The following MUC17 variants were observed in gnomAD, a reference collection of about 807,000 sequenced individuals.
MUC17 encodes mucin 17, cell surface associated, also known as mucin-17.
A neutral mutation model predicts 170.3 loss-of-function variants in MUC17; 190 were observed. That is an observed-to-expected ratio of 1.12 (90% CI 0.99 to 1.26). The LOEUF is 1.26. MUC17 is among the 50% of genes most tolerant of loss of function. The probability of loss-of-function intolerance (pLI) is 0.00; values close to 1 mark genes in which losing one functional copy is unlikely to be tolerated. For synonymous variants in MUC17, 2,325 were observed against 2,002.5 expected (o/e 1.16, Z -4.30); for missense variants, 6,415 against 5,530.0 (o/e 1.16, Z -5.08).
Position 101,038,228 on chromosome 7 carries a change from C to G in MUC17, c.6812C>G (p.Thr2271Ser), listed in dbSNP as rs755060787. The G allele has an allele frequency of 6.2e-7, 1 of 1,614,020 alleles. No individual in the cohort carries two copies. Among genetic ancestry groups the G allele is most frequent in the South Asian group, 1.1e-5 (1 of 91,068 alleles). The change falls in exon 3 of 13, where the codon ACT (threonine) becomes AGT (serine). Residue 2271 changes from threonine (T) to serine (S), a missense_variant. Thr to Ser is a moderately conservative substitution (Grantham distance 58, BLOSUM62 1). Coordinates refer to ENST00000306151, the MANE Select transcript of MUC17 (RefSeq NM_001040105.2). Reference protein sequence around the residue: ...PTTAEGTSIPTSTLSEGTTPL... With the variant: ...PTTAEGTSIPSSTLSEGTTPL... ...ACTGCTGAAGGTACCAGCATACCAA[C>G]TTCAACTCTTAGTGAAGGAACGACT...
At chr7:101,029,254 G>C (rs1794234916) in intron 1 of MUC17, among the ~76,000 whole-genome samples, 1 of 151,872 alleles carries the variant, frequency 6.6e-6, no homozygotes, top group Non-Finnish European at 1.5e-5. Context: ...TACTCAGGAG[G>C]CTGAGGCAGG....
At chr7:101,048,786 G>A in intron 4 of MUC17, 59 bp from the exon 5 acceptor site, 2 of 1,598,646 alleles carry the variant, frequency 1.3e-6, no homozygotes, top group Non-Finnish European at 1.7e-6. Context: ...CAGGCTGGGG[G>A]CAGATCTTCT....
chr7:101,041,057 C>G lies in MUC17; in HGVS notation c.9641C>G (p.Thr3214Ser). ...ACTGCTGAAGGTACCAGCATTCCAA[C>G]CTCAACTCCTAGTGAAGGAATGACT... The part of the protein sequence containing the change: ...STTAEGTSIP[T>S]STPSEGMTPL... Residue 3214 changes from threonine to serine, a missense_variant, in exon 3 of 13, where the codon ACC becomes AGC. Physicochemically the swap from Thr to Ser is moderately conservative, Grantham distance 58 (BLOSUM62 1). Coordinates refer to ENST00000306151, the MANE Select transcript of MUC17 (RefSeq NM_001040105.2). 1 of 1,613,796 alleles carries G rather than the reference C, an allele frequency of 6.2e-7. No individual in the cohort carries two copies. The highest frequency in any genetic ancestry group is 8.5e-7 in the Non-Finnish European group (1 of 1,179,908).
Position 101,031,691 on chromosome 7 carries a change from C to T in MUC17, c.275C>T (p.Thr92Ile). 6.2e-7 allele frequency: 1 copy of T among 1,606,952 alleles called. No individual in the cohort carries two copies. Among genetic ancestry groups the T allele is most frequent in the South Asian group, 1.1e-5 (1 of 90,136 alleles). Residue 92 changes from threonine to isoleucine, a missense_variant, in exon 3 of 13, where the codon ACC (threonine) becomes ATC (isoleucine). Physicochemically the swap from Thr to Ile is moderately conservative, Grantham distance 89. Transcript: ENST00000306151. ...YLSCSTNPEM[T>I]SIESSVTSDT... ...AGTTGCAGCACCAACCCTGAGATGA[C>T]CTCGATTGAGTCCAGTGTGACTTCA...
chr7:101,037,309 T>G lies in MUC17; in HGVS notation c.5893T>G (p.Ser1965Ala). 6.2e-7 allele frequency: 1 copy of G among 1,614,044 alleles called. No homozygotes were observed. The highest frequency in any genetic ancestry group is 8.5e-7 in the Non-Finnish European group (1 of 1,179,914). Residue 1965 changes from serine (S) to alanine (A), a missense_variant, in exon 3 of 13, where the codon TCA becomes GCA. Transcript: ENST00000306151. ...TPVTTYSQASSSPTTADGTSM... is the reference protein window; with the variant it reads ...TPVTTYSQASASPTTADGTSM... The stretch of plus-strand genomic sequence containing the variant: ...TGTGACCACTTATTCTCAAGCCAGT[T>G]CATCTCCTACAACTGCTGATGGTAC...
In MUC17 at chr7:101,053,075, G is replaced by C; in HGVS notation, c.13193G>C (p.Gly4398Ala). The change falls in exon 10 of 13, where the codon GGG becomes GCG. Residue 4398 changes from glycine to alanine, a missense_variant. Coordinates refer to ENST00000306151, the MANE Select transcript of MUC17 (RefSeq NM_001040105.2). ...KSLVYGLVGA[G>A]VVLMLIILVA... ...CTGGTGTACGGCCTCGTGGGGGCAG[G>C]GGTCGTGCTGATGCTGATCATCCTG... The C allele has an allele frequency of 6.2e-7, 1 of 1,614,110 alleles. No individual in the cohort carries two copies. Among genetic ancestry groups the C allele is most frequent in the Non-Finnish European group, 8.5e-7 (1 of 1,180,012 alleles).
At position 101,032,360 on chromosome 7, in the gene MUC17, C is replaced by T; in HGVS notation, c.944C>T (p.Ser315Phe). Residue 315 changes from serine to phenylalanine, a missense_variant, in exon 3 of 13, where the codon TCT becomes TTT. Transcript: ENST00000306151. ...ATCACTTCTACTGAAGCCAGTTCAT[C>T]TCCTACAACGGCTGAAGGCACCAGC... ...PVITSTEASS[S>F]PTTAEGTSIP... 6.2e-7 allele frequency: 1 copy of T among 1,613,762 alleles called. No homozygotes were observed. Among genetic ancestry groups the T allele is most frequent in the East Asian group, 2.2e-5 (1 of 44,856 alleles).
In MUC17 at chr7:101,033,367, A is replaced by G. The variant is rs1213976182; in HGVS notation, c.1951A>G (p.Thr651Ala). ...CAGTTCTGAGGCTAGCACCCTTTCAACAACTCCTGTTGACTCCAACACTCC... is the reference window on the plus strand; with the variant it reads ...CAGTTCTGAGGCTAGCACCCTTTCAGCAACTCCTGTTGACTCCAACACTCC... ...VASSEASTLSTTPVDSNTPVT... is the reference protein window; with the variant it reads ...VASSEASTLSATPVDSNTPVT... The change falls in exon 3 of 13, where the codon ACA becomes GCA. Residue 651 changes from threonine (T) to alanine (A), a missense_variant. Transcript: ENST00000306151. 6.2e-7 allele frequency: 1 copy of G among 1,613,844 alleles called. No homozygotes were observed. Among genetic ancestry groups the G allele is most frequent in the East Asian group, 2.2e-5 (1 of 44,882 alleles).
In MUC17 at chr7:101,043,626, C is replaced by T; in HGVS notation, c.12210C>T (p.His4070=). 6.2e-7 allele frequency: 1 copy of T among 1,614,162 alleles called. No homozygotes were observed. The highest frequency in any genetic ancestry group is 8.5e-7 in the Non-Finnish European group (1 of 1,180,028). ...HTIPPTFPPA[H]SSTPPTTSAS... The stretch of plus-strand genomic sequence containing the variant: ...TCCCACCTACATTTCCTCCTGCTCA[C>T]TCCAGTACACCTCCAACAACCTCTG... Residue 4070 remains histidine, a synonymous_variant, in exon 3 of 13, where the codon CAC becomes CAT. Transcript: ENST00000306151.
In MUC17 at chr7:101,038,337, C is replaced by G; in HGVS notation, c.6921C>G (p.Asn2307Lys). The G allele has an allele frequency of 1.2e-6, 2 of 1,613,690 alleles. No individual in the cohort carries two copies. The highest frequency in any genetic ancestry group is 1.7e-6 in the Non-Finnish European group (2 of 1,179,810). ...STLSTTPVDS[N>K]TPFTTSTEAS... ...TTTCAACAACTCCTGTTGACTCCAACACTCCTTTCACTACTTCTACTGAAG... is the reference window on the plus strand; with the variant it reads ...TTTCAACAACTCCTGTTGACTCCAAGACTCCTTTCACTACTTCTACTGAAG... The change falls in exon 3 of 13, where the codon AAC becomes AAG. Residue 2307 changes from asparagine to lysine, a missense_variant. By Grantham distance (94) the Asn-to-Lys change is moderately conservative. Transcript: ENST00000306151.
rs200051293 is a variant in MUC17, at chr7:101,038,249, C to T, written c.6833C>T (p.Thr2278Met). Residue 2278 changes from threonine to methionine, a missense_variant, in exon 3 of 13, where the codon ACG becomes ATG. Transcript: ENST00000306151. ...CCAACTTCAACTCTTAGTGAAGGAA[C>T]GACTCCATTAACAAGTATACCTGTC... is the stretch of plus-strand genomic sequence containing the variant. ...SIPTSTLSEG[T>M]TPLTSIPVSH... 5.3e-5 allele frequency: 86 copies of T among 1,613,114 alleles called. No homozygotes were observed. In the African/African-American group the frequency reaches 9.1e-4, roughly 17 times the overall value.
chr7:101,029,547 AC>A (rs1794240403), intron 1 of MUC17, among the ~76,000 whole-genome samples: 1 of 151,802 alleles, frequency 6.6e-6, no homozygotes, highest in African/African-American at 2.4e-5. Flanking sequence ...TGTGAATTTT[AC>A]CTTGTTGGGT....
At chr7:101,049,143 T>C (rs1481592826) in intron 5 of MUC17, among the ~76,000 whole-genome samples, 171 bp downstream of exon 5, 1 of 152,174 alleles carries the variant, frequency 6.6e-6, no homozygotes, top group Non-Finnish European at 1.5e-5. Flanking sequence ...GGCCAGGTTT[T>C]ACCTGGGGGC....
intron 1 of MUC17, among the ~76,000 whole-genome samples, chr7:101,026,864 A>G (rs1272955263): frequency 2.6e-5 from 4 of 152,104 alleles, no homozygotes; most frequent in Non-Finnish European, 4.4e-5. Context: ...ACAGGCACGC[A>G]CCACCATGCC....
Position 101,050,542 on chromosome 7 carries a change from T to C in MUC17, c.12781T>C (p.Tyr4261His). 2 of 1,614,062 alleles carry C rather than the reference T, an allele frequency of 1.2e-6. No individual in the cohort carries two copies. Among genetic ancestry groups the C allele is most frequent in the Non-Finnish European group, 1.7e-6 (2 of 1,179,986 alleles). ...CCTAAGAACCAAGTACACACCAGAA[T>C]ACAAGACAGTATTGGACAATGCCAC... is the stretch of plus-strand genomic sequence containing the variant. ...VLLRTKYTPE[Y>H]KTVLDNATEV... is the part of the protein sequence containing the mutation. The change falls in exon 7 of 13, where the codon TAC (tyrosine) becomes CAC (histidine). Residue 4261 changes from tyrosine to histidine, a missense_variant. Tyr to His is a moderately conservative substitution (Grantham distance 83, BLOSUM62 2). Transcript: ENST00000306151.
rs768559642 is a variant in MUC17, at chr7:101,039,397, A to G, written c.7981A>G (p.Arg2661Gly). Reference sequence around the variant, plus strand: ...CCTTTCAACAACTCCTGTTGACACCAGGACACTTGTGACCACTTCCACTGG... The same window carrying G: ...CCTTTCAACAACTCCTGTTGACACCGGGACACTTGTGACCACTTCCACTGG... ...STLSTTPVDT[R>G]TLVTTSTGTS... is the part of the protein sequence containing the mutation. Residue 2661 changes from arginine (R) to glycine (G), a missense_variant, in exon 3 of 13, where the codon AGG (arginine) becomes GGG (glycine). Arg to Gly is a moderately radical substitution (Grantham distance 125). Transcript: ENST00000306151. 2 of 1,612,218 alleles carry G rather than the reference A, an allele frequency of 1.2e-6. No homozygotes were observed. The highest frequency in any genetic ancestry group is 1.7e-6 in the Non-Finnish European group (2 of 1,179,272).
rs777479634 is a variant in MUC17 at position 101,031,645 on chromosome 7, G to A, written c.229G>A (p.Val77Met). The A allele has an allele frequency of 1.7e-5, 27 of 1,561,864 alleles. No individual in the cohort carries two copies. The highest frequency in any genetic ancestry group is 3.5e-4 in the Middle Eastern group (2 of 5,786). The part of the protein sequence containing the change: ...TATGTTSTNV[V>M]EPRMYLSCST... The stretch of plus-strand genomic sequence containing the variant: ...CACAGGTACAACATCTACAAATGTC[G>A]TGGAGCCAAGAATGTATTTGAGTTG... The change falls in exon 3 of 13, where the codon GTG becomes ATG. Residue 77 changes from valine (V) to methionine (M), a missense_variant. Val to Met is a conservative substitution (Grantham distance 21). Coordinates refer to ENST00000306151, the MANE Select transcript of MUC17 (RefSeq NM_001040105.2).
rs142134676 is a variant in MUC17 at position 101,042,818 on chromosome 7, C to A, written c.11402C>A (p.Thr3801Asn). ...TCATCTCCTACAACTCTTGAAGGCA[C>A]CACCACCATGCCTATGTCAACTACG... ...GSSSPTTLEG[T>N]TTMPMSTTSE... is the part of the protein sequence containing the mutation. Residue 3801 changes from threonine to asparagine, a missense_variant, in exon 3 of 13, where the codon ACC (threonine) becomes AAC (asparagine). Coordinates refer to ENST00000306151, the MANE Select transcript of MUC17 (RefSeq NM_001040105.2). The A allele has an allele frequency of 2.7e-5, 43 of 1,614,142 alleles. No homozygotes were observed. The East Asian group carries it at 8.7e-4, about 33-fold the overall frequency.
In MUC17 at chr7:101,041,084, C is replaced by A; in HGVS notation, c.9668C>A (p.Pro3223Gln). 3 of 1,613,974 alleles carry A rather than the reference C, an allele frequency of 1.9e-6. No individual in the cohort carries two copies. The highest frequency in any genetic ancestry group is 2.5e-6 in the Non-Finnish European group (3 of 1,179,976). Residue 3223 changes from proline to glutamine, a missense_variant, in exon 3 of 13, where the codon CCA becomes CAA. Coordinates refer to ENST00000306151, the MANE Select transcript of MUC17 (RefSeq NM_001040105.2). ...TCAACTCCTAGTGAAGGAATGACTC[C>A]ATTAACTAGTGTACCTGTCAGCAAC... Reference protein sequence around the residue: ...PTSTPSEGMTPLTSVPVSNTP... With the variant: ...PTSTPSEGMTQLTSVPVSNTP...
Sources: allele counts gnomAD v4.1 joint callset (sites outside exome capture counted in the v4.1 genomes callset), GRCh38; gene constraint gnomAD v4.1.1; transcripts MANE v1.5; gene names NCBI Gene and HGNC (gene_info 2026-07-23, HGNC 2026-07-21).